Variants in KANK1 observed in about 807,000 individuals in gnomAD.
KANK1 encodes the protein KN motif and ankyrin repeat domains 1.
A neutral mutation model predicts 106.2 loss-of-function variants in KANK1; 109 were observed. The ratio of observed to expected loss-of-function variants is 1.03; its 90% CI spans 0.88 to 1.20. The LOEUF is 1.20. Among genes scored for constraint, KANK1 ranks in the 50% most tolerant of loss-of-function variants. KANK1 has a pLI of 0.00. For missense variants in KANK1, 2,399 were observed against 1,710.7 expected (o/e 1.40, Z -7.10); for synonymous variants, 873 against 652.2 (o/e 1.34, Z -5.16).
intron 11 of KANK1, 66 bp downstream of exon 11, chr9:744,655 T>A: frequency 6.2e-7 from 1 of 1,613,292 alleles, no homozygotes; most frequent in Non-Finnish European, 8.5e-7. Context: ...ACCCCCTTCC[T>A]CCAGGAATTG....
Position 599,117 on chromosome 9 carries a change from C to G in KANK1, c.-83-77773C>G, listed in dbSNP as rs796965837. ...CACCACAGCCTCCACCTCCCAGGGT[C>G]AAGCAATTCTCCTGCCTCAGCCTCC... On this transcript the variant is annotated intron_variant, in intron 1 of 11. Coordinates refer to ENST00000382297, the MANE Select transcript of KANK1 (RefSeq NM_015158.5). Among the ~76,000 whole-genome samples, 15 of 150,042 alleles carry G rather than the reference C, an allele frequency of 1.0e-4. 1 individual carries two copies. Among genetic ancestry groups the G allele is most frequent in the African/African-American group, 3.7e-4 (15 of 40,292 alleles).
rs574869301 is a variant in KANK1, at chr9:711,422, A to T, written c.656A>T (p.Asn219Ile). 3.1e-6 allele frequency: 5 copies of T among 1,614,120 alleles called. No homozygotes were observed. The South Asian group carries it at 4.4e-5, about 14-fold the overall frequency. ...KHQLQNGYQGNGDYGSYAPAA... is the reference protein window; with the variant it reads ...KHQLQNGYQGIGDYGSYAPAA... ...CAGCTTCAGAATGGATACCAAGGTAATGGGGATTATGGTAGCTATGCCCCA... is the reference window on the plus strand; with the variant it reads ...CAGCTTCAGAATGGATACCAAGGTATTGGGGATTATGGTAGCTATGCCCCA... The change falls in exon 3 of 12, where the codon AAT becomes ATT. Residue 219 changes from asparagine to isoleucine, a missense_variant. Coordinates refer to ENST00000382297, the MANE Select transcript of KANK1 (RefSeq NM_015158.5).
chr9:603,878 G>C (rs1296659466), intron 1 of KANK1, among the ~76,000 whole-genome samples: 1 of 148,376 alleles, frequency 6.7e-6, no homozygotes, highest in Admixed American at 6.8e-5. Context: ...AGAATCACTT[G>C]AACCCGGGAG....
chr9:661,004 G>A (rs1446638514), intron 1 of KANK1, among the ~76,000 whole-genome samples: 3 of 152,214 alleles, frequency 2.0e-5, no homozygotes, highest in African/African-American at 7.2e-5. Flanking sequence ...TACCAGTCAT[G>A]TAGCTAGCTG....
At chr9:551,241 C>T (rs373912221) in intron 1 of KANK1, among the ~76,000 whole-genome samples, 15 of 151,392 alleles carry the variant, frequency 9.9e-5, no homozygotes, top group African/African-American at 3.6e-4. Context: ...AAGCAGAAGA[C>T]ACACACATTT....
intron 1 of KANK1, among the ~76,000 whole-genome samples, chr9:520,657 G>A (rs2059502518): frequency 6.6e-6 from 1 of 151,756 alleles, no homozygotes; most frequent in African/African-American, 2.4e-5. Context: ...TTTTAGAATT[G>A]GTTAAATCTG....
Position 716,268 on chromosome 9 carries a change from TGAA to T in KANK1, c.2698+2807_2698+2809del, listed in dbSNP as rs1335500624. ...TCTTTGTTCCTTCACAGGGTTGTAA[TGAA>T]GATTCAGTGAGTCAATAGGAGTAAA... On this transcript the variant is annotated intron_variant, in intron 3 of 11. Coordinates refer to ENST00000382297, the MANE Select transcript of KANK1 (RefSeq NM_015158.5). Among the ~76,000 whole-genome samples, 4 of 152,238 alleles carry T rather than the reference TGAA, an allele frequency of 2.6e-5. No individual in the cohort carries two copies. The East Asian group carries it at 7.7e-4, about 29-fold the overall frequency.
At chr9:474,021 C>A (rs1468765202) in intron 3 of KANK1, among the ~76,000 whole-genome samples, 1 of 152,108 alleles carries the variant, frequency 6.6e-6, no homozygotes, top group African/African-American at 2.4e-5. Flanking sequence ...ACATTAGACT[C>A]AGCCAGAGTT....
At chr9:640,712 T>G (rs1174947441) in intron 1 of KANK1, among the ~76,000 whole-genome samples, 2 of 149,256 alleles carry the variant, frequency 1.3e-5, no homozygotes, top group South Asian at 4.3e-4. Flanking sequence ...TTTTTTTTTT[T>G]TTGAGATGGA....
intron 1 of KANK1, among the ~76,000 whole-genome samples, chr9:613,110 T>C (rs1210352135): frequency 1.3e-5 from 2 of 152,014 alleles, no homozygotes; most frequent in Non-Finnish European, 2.9e-5. Flanking sequence ...TAGCATGTAC[T>C]GTAAAAGATC....
intron 1 of KANK1, among the ~76,000 whole-genome samples, chr9:541,523 G>A (rs1436996232): frequency 6.6e-5 from 10 of 152,100 alleles, no homozygotes; most frequent in Non-Finnish European, 1.5e-5. Context: ...ACTACTTGAA[G>A]AACACACAGA....
At chr9:621,141 T>C (rs771941170) in intron 1 of KANK1, among the ~76,000 whole-genome samples, 2 of 152,204 alleles carry the variant, frequency 1.3e-5, no homozygotes, top group African/African-American at 2.4e-5. Flanking sequence ...TTGGAGAACC[T>C]AATATATTTA....
intron 1 of KANK1, among the ~76,000 whole-genome samples, chr9:593,061 A>G: frequency 6.6e-6 from 1 of 151,826 alleles, no homozygotes; most frequent in East Asian, 1.9e-4. Flanking sequence ...ATCTAATGCT[A>G]GTAGACAATC....
intron 2 of KANK1, chr9:686,739 T>A (rs1218141984): frequency 2.6e-5 from 26 of 984,758 alleles, no homozygotes; most frequent in Non-Finnish European, 3.0e-5. Context: ...GATTGTTACC[T>A]ATGAGCCTAT....
intron 10 of KANK1, among the ~76,000 whole-genome samples, chr9:742,826 A>G (rs78456944): frequency 0.028 from 4,257 of 152,270 alleles, 198 homozygotes; most frequent in East Asian, 0.18. Context: ...TACTATAGTG[A>G]ACCTTTTCCA....
At position 618,289 on chromosome 9, in the gene KANK1, A is replaced by G. The variant is rs1418332502; in HGVS notation, c.-83-58601A>G. On this transcript the variant is annotated intron_variant, in intron 1 of 11. Transcript: ENST00000382297. ...AGTGGCGTGATCTCAGCTCACTGCA[A>G]CCTCCACCTGCTGGTTCAAGCAATT... is the stretch of plus-strand genomic sequence containing the variant. Among the ~76,000 whole-genome samples the G allele has an allele frequency of 3.9e-5, 6 of 152,108 alleles. No individual in the cohort carries two copies. The East Asian group carries it at 1.2e-3, about 29-fold the overall frequency.
chr9:634,785 T>G lies in KANK1; in HGVS notation c.-83-42105T>G, dbSNP rs555120316. ...ATGGAGTTGAACCATGCTAGATTTCTCTCAATGTCATCATTTTTGCAAAAG... is the reference window on the plus strand; with the variant it reads ...ATGGAGTTGAACCATGCTAGATTTCGCTCAATGTCATCATTTTTGCAAAAG... On this transcript the variant is annotated intron_variant, in intron 1 of 11. Transcript: ENST00000382297. Among the ~76,000 whole-genome samples the G allele has an allele frequency of 9.7e-4, 148 of 152,346 alleles. 2 individuals carry two copies. The highest frequency in any genetic ancestry group is 5.2e-3 in the Admixed American group (80 of 15,306).
At chr9:624,859 C>T (rs959008754) in intron 1 of KANK1, among the ~76,000 whole-genome samples, 3 of 152,098 alleles carry the variant, frequency 2.0e-5, no homozygotes, top group African/African-American at 7.2e-5. Flanking sequence ...GCTGCCTTAC[C>T]AAGCCACCAG....
At chr9:626,924 C>G (rs1348952838) in intron 1 of KANK1, among the ~76,000 whole-genome samples, 2 of 152,036 alleles carry the variant, frequency 1.3e-5, no homozygotes, top group South Asian at 2.1e-4. Context: ...GTGTTTTACA[C>G]TGGTGTACAT....
Sources: allele counts gnomAD v4.1 joint callset (sites outside exome capture counted in the v4.1 genomes callset), GRCh38; gene constraint gnomAD v4.1.1; transcripts MANE v1.5; gene names NCBI Gene and HGNC (gene_info 2026-07-23, HGNC 2026-07-21).